DYNC1I1: variants seen among roughly 807,000 people sequenced by gnomAD.
DYNC1I1 encodes cytoplasmic dynein 1 intermediate chain 1.
In DYNC1I1, 43 loss-of-function variants were observed where a neutral mutation model predicts 86.6. The ratio of observed to expected loss-of-function variants is 0.50; its 90% CI spans 0.39 to 0.64. The LOEUF (loss-of-function observed/expected upper bound fraction) is 0.64, where lower values mean the gene tolerates loss of function less well. DYNC1I1 is among the 30% of genes least tolerant of loss of function. The pLI is 0.00. For synonymous variants in DYNC1I1, 262 were observed against 283.7 expected (o/e 0.92, Z 0.77); for missense variants, 604 against 788.8 (o/e 0.77, Z 2.81).
chr7:95,856,909 G>A (rs903144230), intron 5 of DYNC1I1, among the ~76,000 whole-genome samples: 4 of 152,080 alleles, frequency 2.6e-5, no homozygotes, highest in Non-Finnish European at 5.9e-5. Context: ...AATCCGGGGG[G>A]CAGAGGTTGC....
chr7:95,846,893 C>T (rs1048037593), intron 5 of DYNC1I1, among the ~76,000 whole-genome samples: 1 of 152,184 alleles, frequency 6.6e-6, no homozygotes, highest in Non-Finnish European at 1.5e-5. Flanking sequence ...TTTCTACATT[C>T]TCTTTTTCTA....
intron 5 of DYNC1I1, among the ~76,000 whole-genome samples, chr7:95,845,999 G>A (rs1447084700): frequency 6.6e-6 from 1 of 152,144 alleles, no homozygotes; most frequent in African/African-American, 2.4e-5. Context: ...TCAGAAAGAT[G>A]TAGGCCAATT....
At position 95,828,068 on chromosome 7, in the gene DYNC1I1, G is replaced by T; in HGVS notation, c.326G>T (p.Trp109Leu). The change falls in exon 5 of 17, where the codon TGG (tryptophan) becomes TTG (leucine). Residue 109 changes from tryptophan (W) to leucine (L), a missense_variant. Coordinates refer to ENST00000447467, the MANE Select transcript of DYNC1I1 (RefSeq NM_001135556.2). Reference protein sequence around the residue: ...DLGPLTRTLQWDTDPSVLQLQ... With the variant: ...DLGPLTRTLQLDTDPSVLQLQ... ...TGCTGCACAATTAGGACCCTGCAGT[G>T]GGACACAGACCCCTCAGTGCTCCAG... 1 of 1,613,798 alleles carries T rather than the reference G, an allele frequency of 6.2e-7. No individual in the cohort carries two copies. The highest frequency in any genetic ancestry group is 8.5e-7 in the Non-Finnish European group (1 of 1,179,776).
At chr7:95,984,253 G>C (rs1206248330) in intron 7 of DYNC1I1, among the ~76,000 whole-genome samples, 1 of 152,064 alleles carries the variant, frequency 6.6e-6, no homozygotes, top group Non-Finnish European at 1.5e-5. Flanking sequence ...AGTGAAAGCA[G>C]GTTTGGAATG....
At chr7:95,955,333 T>G (rs549894634) in intron 6 of DYNC1I1, among the ~76,000 whole-genome samples, 36 of 152,272 alleles carry the variant, frequency 2.4e-4, no homozygotes, top group Non-Finnish European at 4.9e-4. Flanking sequence ...TATGAATTTT[T>G]TTTTTTAAAG....
At chr7:95,954,355 T>C (rs1311653638) in intron 6 of DYNC1I1, among the ~76,000 whole-genome samples, 1 of 151,870 alleles carries the variant, frequency 6.6e-6, no homozygotes, top group Non-Finnish European at 1.5e-5. Context: ...CAGTTTACGC[T>C]AGCCTCACTT....
intron 10 of DYNC1I1, among the ~76,000 whole-genome samples, chr7:96,016,453 G>T (rs1794405220): frequency 1.3e-5 from 2 of 152,004 alleles, no homozygotes; most frequent in African/African-American, 4.8e-5. Flanking sequence ...TATGGAGACT[G>T]GATGTTTTTC....
At chr7:95,786,421 A>G (rs1223640783) in intron 1 of DYNC1I1, among the ~76,000 whole-genome samples, 1 of 152,098 alleles carries the variant, frequency 6.6e-6, no homozygotes, top group Non-Finnish European at 1.5e-5. Flanking sequence ...TACCTTTGTC[A>G]TGCATGTATC....
Position 96,039,208 on chromosome 7 carries a change from T to C in DYNC1I1, c.1365-69T>C, listed in dbSNP as rs547588139. The C allele has an allele frequency of 3.9e-6, 6 of 1,527,564 alleles. No homozygotes were observed. The African/African-American group carries it at 7.0e-5, about 18-fold the overall frequency. 94.6% of individuals were successfully genotyped at this position (1,527,564 alleles called of 1,614,324 possible). A position where few individuals can be genotyped will look rare whatever the true frequency, so the allele number is the denominator to read the frequency against. Reference sequence around the variant, plus strand: ...GCAGAGTTGAGGGTTTTTTGTTTTGTTTTGTTTTTAAGCAATCATTGCTTT... The same window carrying C: ...GCAGAGTTGAGGGTTTTTTGTTTTGCTTTGTTTTTAAGCAATCATTGCTTT... On this transcript the variant is annotated intron_variant, in intron 13 of 16. Transcript: ENST00000447467.
chr7:96,033,197 T>C (rs1252557616), intron 12 of DYNC1I1, among the ~76,000 whole-genome samples: 1 of 152,182 alleles, frequency 6.6e-6, no homozygotes, highest in African/African-American at 2.4e-5. Context: ...AGCCCTTGCT[T>C]GTATCCGTAG....
chr7:96,025,847 G>T (rs577535691), intron 10 of DYNC1I1, among the ~76,000 whole-genome samples: 52 of 151,602 alleles, frequency 3.4e-4, no homozygotes, highest in African/African-American at 1.0e-3. Flanking sequence ...TTGCGGGGGG[G>T]GGATATTTGC....
chr7:96,008,034 C>T (rs1256429008), intron 10 of DYNC1I1, among the ~76,000 whole-genome samples: 2 of 152,184 alleles, frequency 1.3e-5, no homozygotes, highest in Non-Finnish European at 2.9e-5. Context: ...CTTGGGAATG[C>T]TCTGCTCTTG....
chr7:95,987,470 T>C (rs1172577246), intron 9 of DYNC1I1, among the ~76,000 whole-genome samples: 1 of 152,208 alleles, frequency 6.6e-6, no homozygotes, highest in Non-Finnish European at 1.5e-5. Context: ...TGACCTTTCT[T>C]TGTCAAGCAG....
In DYNC1I1 at chr7:96,018,560, A is replaced by G. The variant is rs997872548; in HGVS notation, c.970-9615A>G. On this transcript the variant is annotated intron_variant, in intron 10 of 16. Coordinates refer to ENST00000447467, the MANE Select transcript of DYNC1I1 (RefSeq NM_001135556.2). Reference sequence around the variant, plus strand: ...CATGTAGCCGGGGATGACAGTGATAATGTTCATTAGCATTCCTGACAATAA... The same window carrying G: ...CATGTAGCCGGGGATGACAGTGATAGTGTTCATTAGCATTCCTGACAATAA... Among the ~76,000 whole-genome samples, 14 of 152,284 alleles carry G rather than the reference A, an allele frequency of 9.2e-5. No individual in the cohort carries two copies. The East Asian group carries it at 1.9e-3, about 21-fold the overall frequency.
intron 6 of DYNC1I1, among the ~76,000 whole-genome samples, chr7:95,943,832 T>C (rs374892290): frequency 0.077 from 11,646 of 151,406 alleles, 871 homozygotes; most frequent in African/African-American, 0.2. Flanking sequence ...TGTAGAAAGC[T>C]GAAACTGGAT....
At chr7:96,031,705 G>C (rs1434419545) in intron 11 of DYNC1I1, among the ~76,000 whole-genome samples, 1 of 152,136 alleles carries the variant, frequency 6.6e-6, no homozygotes, top group African/African-American at 2.4e-5. Flanking sequence ...GTTGTGGCTA[G>C]GTATTATGGA....
chr7:95,889,610 A>T (rs1356112661), intron 6 of DYNC1I1, among the ~76,000 whole-genome samples: 3 of 152,232 alleles, frequency 2.0e-5, no homozygotes, highest in Non-Finnish European at 4.4e-5. Flanking sequence ...TAAACTTAAG[A>T]GTTTCTGCAC....
At chr7:95,851,137 G>A (rs1013362513) in intron 5 of DYNC1I1, among the ~76,000 whole-genome samples, 7 of 152,172 alleles carry the variant, frequency 4.6e-5, no homozygotes, top group Non-Finnish European at 8.8e-5. Flanking sequence ...GTCTCACTTT[G>A]TTGCCCAGGC....
chr7:96,056,956 G>A lies in DYNC1I1; in HGVS notation c.1509+17535G>A, dbSNP rs190407124. On this transcript the variant is annotated intron_variant, in intron 14 of 16. Coordinates refer to ENST00000447467, the MANE Select transcript of DYNC1I1 (RefSeq NM_001135556.2). ...TAACTCTGGAAACTAACTGATAATT[G>A]CATTACTTGCTTTCTTAATCATTTC... Among the ~76,000 whole-genome samples the A allele has an allele frequency of 1.1e-3, 170 of 152,228 alleles. 1 individual carries two copies. Among genetic ancestry groups the A allele is most frequent in the Middle Eastern group, 0.01 (3 of 294 alleles).
Sources: gnomAD v4.1 joint callset for allele counts (sites outside exome capture counted in the v4.1 genomes callset) on GRCh38, gnomAD v4.1.1 for gene constraint, MANE v1.5 for transcripts, NCBI Gene and HGNC (gene_info 2026-07-23, HGNC 2026-07-21) for gene names.